MCM5: variants seen among roughly 807,000 people sequenced by gnomAD.
The protein encoded by MCM5 is DNA replication licensing factor MCM5.
In MCM5, 46 loss-of-function variants were observed where a neutral mutation model predicts 79.9. The observed-to-expected ratio is 0.58, with a 90% CI of 0.45 to 0.74. The LOEUF is 0.74. Ranked by LOEUF, MCM5 falls within the 30% of genes least tolerant of loss-of-function variation. The pLI, the probability that MCM5 is intolerant of heterozygous loss-of-function variation, is 0.00. For synonymous variants in MCM5, 404 were observed against 390.5 expected (o/e 1.03, Z -0.41); for missense variants, 883 against 1,017.0 (o/e 0.87, Z 1.79).
rs748815484 is a variant in MCM5 at position 35,416,647 on chromosome 22, A to G, written c.1423A>G (p.Thr475Ala). 1 of 1,612,546 alleles carries G rather than the reference A, an allele frequency of 6.2e-7. No individual in the cohort carries two copies. The highest frequency in any genetic ancestry group is 1.1e-5 in the South Asian group (1 of 91,016). ...QTISIAKAGI[T>A]TTLNSRCSVL... The stretch of plus-strand genomic sequence containing the variant: ...GTCTGTCGCCTGTTAGGCTGGGATC[A>G]CCACCACCCTGAACTCCCGCTGCTC... Residue 475 changes from threonine (T) to alanine (A), a missense_variant, in exon 12 of 17, where the codon ACC becomes GCC. Around this residue, in one of 3 missense-constraint regions of MCM5, gnomAD observed 426 missense variants for 482.3 expected, o/e 0.88. Transcript: ENST00000216122.
At chr22:35,429,512 C>T (rs1034265292), downstream of MCM5, among the ~76,000 whole-genome samples, 2 of 151,796 alleles carry the variant, frequency 1.3e-5, no homozygotes, top group African/African-American at 4.8e-5. Flanking sequence ...CATTCCTCCT[C>T]ACCCCTCCTG....
chr22:35,407,599 G>C (rs1403478832), intron 5 of MCM5, among the ~76,000 whole-genome samples: 3 of 152,112 alleles, frequency 2.0e-5, no homozygotes, highest in Non-Finnish European at 4.4e-5. Flanking sequence ...TGACCTTGCT[G>C]TTTCCTCTAC....
chr22:35,431,273 C>A, the MCM5 span, among the ~76,000 whole-genome samples: 1 of 152,312 alleles, frequency 6.6e-6, no homozygotes, highest in South Asian at 2.1e-4. Flanking sequence ...TGGGTATCCT[C>A]GTCCTGGGTT....
chr22:35,428,021 C>CTTTT (rs133437), downstream of MCM5, among the ~76,000 whole-genome samples: 1 of 132,400 alleles, frequency 7.6e-6, no homozygotes, highest in Admixed American at 7.3e-5. Flanking sequence ...CTCTCTCTCT[C>CTTTT]TTTTTTTTTT....
In MCM5 at chr22:35,419,920, G is replaced by C. The variant is rs771534919; in HGVS notation, c.1740G>C (p.Glu580Asp). The C allele has an allele frequency of 6.2e-7, 1 of 1,613,342 alleles. No homozygotes were observed. The highest frequency in any genetic ancestry group is 8.5e-7 in the Non-Finnish European group (1 of 1,179,708). ...CGPRLSAEAA[E>D]KLKNRYIIMR... ...CCCGGCTGTCAGCAGAGGCTGCAGAGAAACTGAAGAACCGCTACATCATCA... is the reference window on the plus strand; with the variant it reads ...CCCGGCTGTCAGCAGAGGCTGCAGACAAACTGAAGAACCGCTACATCATCA... Residue 580 changes from glutamate to aspartate, a missense_variant, in exon 14 of 17, where the codon GAG (glutamate) becomes GAC (aspartate). Physicochemically the swap from Glu to Asp is conservative, Grantham distance 45. Coordinates refer to ENST00000216122, the MANE Select transcript of MCM5 (RefSeq NM_006739.4).
chr22:35,430,149 C>T (rs188499254), downstream of MCM5, among the ~76,000 whole-genome samples: 1 of 152,290 alleles, frequency 6.6e-6, no homozygotes, highest in African/African-American at 2.4e-5. Context: ...CTTTCAGGGG[C>T]CTGCAGAGAA....
At chr22:35,430,172 T>C (rs1932803201), downstream of MCM5, among the ~76,000 whole-genome samples, 1 of 152,040 alleles carries the variant, frequency 6.6e-6, no homozygotes, top group South Asian at 2.1e-4. Context: ...GGAGAGAAAA[T>C]TACTGCTCCT....
intron 11 of MCM5, 61 bp from the exon 12 acceptor site, chr22:35,416,577 G>C: frequency 1.0e-5 from 11 of 1,050,306 alleles, no homozygotes; most frequent in Non-Finnish European, 1.4e-6. Context: ...GTGTGTAAAC[G>C]TGTATATAAG....
intron 8 of MCM5, among the ~76,000 whole-genome samples, chr22:35,413,052 T>TG (rs1387590342): frequency 2.7e-5 from 4 of 148,946 alleles, no homozygotes; most frequent in African/African-American, 1.0e-4. Context: ...CATTCTTTGT[T>TG]TTTTTTTTTT....
intron 4 of MCM5, among the ~76,000 whole-genome samples, chr22:35,405,262 T>C (rs772816526): frequency 6.6e-6 from 1 of 151,890 alleles, no homozygotes; most frequent in African/African-American, 2.4e-5. Context: ...AGGTGATCCA[T>C]AGATGCCAAA....
the MCM5 span, among the ~76,000 whole-genome samples, chr22:35,443,541 C>T: frequency 2.6e-5 from 4 of 152,220 alleles, no homozygotes; most frequent in African/African-American, 9.6e-5. Flanking sequence ...GCCAGTGCTG[C>T]GCCTGCCTCA....
At chr22:35,437,036 C>A in the MCM5 span, among the ~76,000 whole-genome samples, 2 of 152,242 alleles carry the variant, frequency 1.3e-5, no homozygotes, top group Admixed American at 1.3e-4. Context: ...CCAGAAATTT[C>A]TCTGAACACA....
At chr22:35,401,187 G>C (rs1172816088) in intron 2 of MCM5, among the ~76,000 whole-genome samples, 1 of 152,220 alleles carries the variant, frequency 6.6e-6, no homozygotes, top group African/African-American at 2.4e-5. Context: ...TGGGCCACCA[G>C]CAACCAGCTA....
chr22:35,403,610 G>C (rs1294096476), intron 4 of MCM5, 68 bp downstream of exon 4: 1 of 1,582,184 alleles, frequency 6.3e-7, no homozygotes, highest in Non-Finnish European at 8.6e-7. Context: ...CTGAGTGCTA[G>C]CTGTGTGGCC....
At chr22:35,432,778 G>A in the MCM5 span, among the ~76,000 whole-genome samples, 5 of 152,072 alleles carry the variant, frequency 3.3e-5, no homozygotes, top group Non-Finnish European at 7.4e-5. Flanking sequence ...GGGCCAGGCA[G>A]CGCTGTGTGA....
chr22:35,429,422 G>A (rs997191111), downstream of MCM5, among the ~76,000 whole-genome samples: 4 of 152,168 alleles, frequency 2.6e-5, no homozygotes, highest in South Asian at 2.1e-4. Flanking sequence ...ACCAAGGGTC[G>A]TCTTCTTAGG....
At chr22:35,441,946 T>A in the MCM5 span, among the ~76,000 whole-genome samples, 1 of 152,056 alleles carries the variant, frequency 6.6e-6, no homozygotes, top group African/African-American at 2.4e-5. Context: ...CCCCTTCCCA[T>A]TGGCCAGCCT....
At chr22:35,412,751 G>C in intron 8 of MCM5, 70 bp downstream of exon 8, 1 of 1,279,096 alleles carries the variant, frequency 7.8e-7, no homozygotes, top group South Asian at 2.2e-5. Flanking sequence ...ATAATTACTG[G>C]ATAATCAGGA....
Position 35,400,213 on chromosome 22 carries a change from G to A in MCM5, c.-9+5G>A. 1.8e-6 allele frequency: 1 copy of A among 567,986 alleles called. No homozygotes were observed. Among genetic ancestry groups the A allele is most frequent in the Non-Finnish European group, 3.2e-6 (1 of 315,918 alleles). The allele number at this position is 567,986 out of a possible 1,614,324, so 35.2% of individuals were successfully genotyped here. ...GTGAAGTGCGGAAAACCAGAGGTGA[G>A]GCTAGTGGGAGTGGGACTGGGACTG... On this transcript the variant is annotated splice_donor_5th_base_variant and intron_variant, in intron 1 of 16. Coordinates refer to ENST00000216122, the MANE Select transcript of MCM5 (RefSeq NM_006739.4).
Sources: allele counts gnomAD v4.1 joint callset (sites outside exome capture counted in the v4.1 genomes callset), GRCh38; gene constraint gnomAD v4.1.1; regional missense constraint gnomAD v4.1.1; transcripts MANE v1.5; gene names NCBI Gene and HGNC (gene_info 2026-07-23, HGNC 2026-07-21).